TLL2: variants seen among roughly 807,000 people sequenced by gnomAD.
TLL2 encodes the protein tolloid like 2, also known as tolloid-like protein 2.
TLL2 carries 106 observed loss-of-function variants against 123.0 expected under a neutral mutation model. That is an observed-to-expected ratio of 0.86 (90% CI 0.74 to 1.01). TLL2 has a LOEUF of 1.01. TLL2 is among the 50% of genes least tolerant of loss of function. TLL2 has a pLI of 0.00. For missense variants in TLL2, 1,332 were observed against 1,336.7 expected (o/e 1.00, Z 0.06); for synonymous variants, 494 against 516.8 (o/e 0.96, Z 0.60).
At chr10:96,419,945 A>C (rs187266942) in intron 7 of TLL2, among the ~76,000 whole-genome samples, 9 of 152,324 alleles carry the variant, frequency 5.9e-5, no homozygotes, top group African/African-American at 2.2e-4. Flanking sequence ...GCCAACTCTA[A>C]CCAAGTGTAC....
chr10:96,476,014 G>A (rs967384845), intron 2 of TLL2, among the ~76,000 whole-genome samples: 3 of 151,734 alleles, frequency 2.0e-5, no homozygotes, highest in African/African-American at 7.3e-5. Flanking sequence ...CCCCAGCCAC[G>A]TGGAACAGTG....
intron 2 of TLL2, among the ~76,000 whole-genome samples, chr10:96,476,241 T>TGTATATA (rs1554939631): frequency 1.4e-5 from 1 of 72,410 alleles, no homozygotes; most frequent in Non-Finnish European, 2.7e-5. Flanking sequence ...TATATATATA[T>TGTATATA]TTTATTTTTG....
chr10:96,387,538 C>G (rs768652886), intron 13 of TLL2, among the ~76,000 whole-genome samples: 12 of 152,140 alleles, frequency 7.9e-5, no homozygotes, highest in Non-Finnish European at 1.6e-4. Context: ...TCAGTATTCT[C>G]TAGACATTAG....
intron 1 of TLL2, among the ~76,000 whole-genome samples, chr10:96,500,054 G>C (rs936182887): frequency 7.0e-6 from 1 of 143,018 alleles, no homozygotes; most frequent in Non-Finnish European, 1.5e-5. Flanking sequence ...GCTGAAGTAG[G>C]TAAGTCACTT....
chr10:96,382,912 G>T (rs1391401909), intron 16 of TLL2, among the ~76,000 whole-genome samples: 2 of 152,228 alleles, frequency 1.3e-5, no homozygotes, highest in Admixed American at 6.5e-5. Flanking sequence ...GACGAAGCCA[G>T]AGAATGTTAC....
chr10:96,384,690 A>G lies in TLL2; in HGVS notation c.2091T>C (p.Ser697=), dbSNP rs779055759. The G allele has an allele frequency of 6.8e-6, 11 of 1,613,014 alleles. No individual in the cohort carries two copies. Among genetic ancestry groups the G allele is most frequent in the Non-Finnish European group, 9.3e-6 (11 of 1,179,246 alleles). The change falls in exon 16 of 21, where the codon TCT becomes TCC. Residue 697 remains serine (S), a synonymous_variant. Coordinates refer to ENST00000357947, the MANE Select transcript of TLL2 (RefSeq NM_012465.4). ...GCGAGGTGATGACCTCCGGCGTCTC[A>G]GAGCCGCAGAACCTGCCGTGCAGCT... is the stretch of plus-strand genomic sequence containing the variant. ...DAKLHGRFCG[S]ETPEVITSQS...
At chr10:96,406,429 C>A (rs1375937894) in intron 9 of TLL2, among the ~76,000 whole-genome samples, 1 of 152,138 alleles carries the variant, frequency 6.6e-6, no homozygotes, top group Admixed American at 6.5e-5. Flanking sequence ...AGCCCCTGCA[C>A]CCCTGACTCT....
intron 2 of TLL2, among the ~76,000 whole-genome samples, chr10:96,475,479 T>A (rs1847229809): frequency 6.6e-6 from 1 of 152,248 alleles, no homozygotes; most frequent in African/African-American, 2.4e-5. Context: ...ACAGCAACCC[T>A]GGAGTTGACA....
chr10:96,453,455 C>CA (rs996227617), intron 2 of TLL2, among the ~76,000 whole-genome samples: 14 of 151,276 alleles, frequency 9.3e-5, no homozygotes, highest in African/African-American at 3.4e-4. Flanking sequence ...GACTCTGTCT[C>CA]AAAAAAATAA....
intron 1 of TLL2, among the ~76,000 whole-genome samples, chr10:96,513,126 C>T (rs1198362615): frequency 6.6e-6 from 1 of 152,246 alleles, no homozygotes; most frequent in African/African-American, 2.4e-5. Context: ...TCCATCTGAG[C>T]CTCGGAGCGC....
At position 96,511,319 on chromosome 10, in the gene TLL2, T is replaced by TGG. The variant is rs1321554153; in HGVS notation, c.175+2191_175+2192insCC. On this transcript the variant is annotated intron_variant, in intron 1 of 20. Transcript: ENST00000357947. Reference sequence around the variant, plus strand: ...GCTTGCTGGCCTTCCAGACAGCTGTTCTCCAGGTCAGGCAATTTCCAAGAG... The same window carrying TGG: ...GCTTGCTGGCCTTCCAGACAGCTGTTGGCTCCAGGTCAGGCAATTTCCAAGAG... Among the ~76,000 whole-genome samples the TGG allele has an allele frequency of 7.2e-5, 11 of 152,362 alleles. No homozygotes were observed. The East Asian group carries it at 2.1e-3, about 29-fold the overall frequency.
At chr10:96,398,383 C>T (rs974784378) in intron 10 of TLL2, among the ~76,000 whole-genome samples, 8 of 152,196 alleles carry the variant, frequency 5.3e-5, no homozygotes, top group African/African-American at 1.9e-4. Flanking sequence ...TGCCCCCCGC[C>T]ACCACCATGC....
intron 1 of TLL2, among the ~76,000 whole-genome samples, chr10:96,481,995 C>A (rs915729952): frequency 6.6e-6 from 1 of 152,210 alleles, no homozygotes; most frequent in Non-Finnish European, 1.5e-5. Context: ...CGGTGGCTCA[C>A]GCCTGTAATC....
At chr10:96,450,340 C>T (rs562233030) in intron 2 of TLL2, among the ~76,000 whole-genome samples, 3 of 138,560 alleles carry the variant, frequency 2.2e-5, no homozygotes, top group Admixed American at 1.5e-4. Context: ...TCAACTTTGG[C>T]TGCGATTTGA....
intron 5 of TLL2, among the ~76,000 whole-genome samples, chr10:96,426,859 C>T (rs1366078632): frequency 6.6e-6 from 1 of 152,014 alleles, no homozygotes; most frequent in Non-Finnish European, 1.5e-5. Flanking sequence ...AATGTTTCAC[C>T]TTGTCTGTTT....
intron 2 of TLL2, among the ~76,000 whole-genome samples, chr10:96,454,653 C>T (rs1176204833): frequency 6.6e-6 from 1 of 152,162 alleles, no homozygotes; most frequent in African/African-American, 2.4e-5. Context: ...GGCTTCTTGG[C>T]TGTACCCATT....
At chr10:96,434,653 T>C (rs974594059) in intron 3 of TLL2, among the ~76,000 whole-genome samples, 1 of 152,260 alleles carries the variant, frequency 6.6e-6, no homozygotes, top group Non-Finnish European at 1.5e-5. Context: ...TGAACATTCA[T>C]ATACACATTT....
intron 1 of TLL2, among the ~76,000 whole-genome samples, chr10:96,511,827 C>T (rs560351212): frequency 6.6e-6 from 1 of 152,364 alleles, no homozygotes; most frequent in East Asian, 1.9e-4. Flanking sequence ...TCACACCCAG[C>T]AGGGTCTAGG....
chr10:96,395,921 G>A lies in TLL2; in HGVS notation c.1484C>T (p.Thr495Met), dbSNP rs41291628. The change falls in exon 12 of 21, where the codon ACG (threonine) becomes ATG (methionine). Residue 495 changes from threonine (T) to methionine (M), a missense_variant. Physicochemically the swap from Thr to Met is moderately conservative, Grantham distance 81. Transcript: ENST00000357947. ...TCCCACGTGAAACCCCTCTGAAACC[G>A]TAATCCTCCAGACACATTCCTTGGA... ...RPSKECVWRITVSEGFHVGLT... is the reference protein window; with the variant it reads ...RPSKECVWRIMVSEGFHVGLT... 28,035 of 1,614,122 alleles carry A rather than the reference G, an allele frequency of 0.017. 316 individuals carry two copies. Among genetic ancestry groups the A allele is most frequent in the Middle Eastern group, 0.031 (185 of 6,062 alleles).
Sources: gnomAD v4.1 joint callset for allele counts (sites outside exome capture counted in the v4.1 genomes callset) on GRCh38, gnomAD v4.1.1 for gene constraint, MANE v1.5 for transcripts, NCBI Gene and HGNC (gene_info 2026-07-23, HGNC 2026-07-21) for gene names.